PCDH7: variants seen among roughly 807,000 people sequenced by gnomAD.
PCDH7 encodes protocadherin-7.
A neutral mutation model predicts 58.9 loss-of-function variants in PCDH7; 17 were observed. The ratio of observed to expected loss-of-function variants is 0.29; its 90% CI spans 0.20 to 0.43. PCDH7 has a LOEUF of 0.43. Among genes scored for constraint, PCDH7 ranks in the 20% least tolerant of loss-of-function variants. The pLI, the probability that PCDH7 is intolerant of heterozygous loss-of-function variation, is 1.00. For synonymous variants in PCDH7, 664 were observed against 616.4 expected, an observed-to-expected ratio of 1.08 and a Z score of -1.14; for missense variants, 1,274 against 1,441.0, an observed-to-expected ratio of 0.88 and a Z score of 1.88.
At chr4:31,002,793 T>C (rs535606123) in intron 3 of PCDH7, among the ~76,000 whole-genome samples, 269 of 152,328 alleles carry the variant, frequency 1.8e-3, no homozygotes, top group African/African-American at 6.2e-3. Context: ...TCTATAGTTA[T>C]AGCCCCAAAT....
At chr4:30,907,434 G>T (rs1008070511) in intron 1 of PCDH7, among the ~76,000 whole-genome samples, 5 of 152,042 alleles carry the variant, frequency 3.3e-5, no homozygotes, top group African/African-American at 1.2e-4. Flanking sequence ...TCAAAAAGTG[G>T]GCAAAGAATA....
At chr4:30,971,266 C>A (rs957485632) in intron 3 of PCDH7, among the ~76,000 whole-genome samples, 3 of 152,112 alleles carry the variant, frequency 2.0e-5, no homozygotes, top group Non-Finnish European at 1.5e-5. Flanking sequence ...ATTCACATTT[C>A]TTAATCTAGG....
intron 1 of PCDH7, among the ~76,000 whole-genome samples, chr4:30,768,229 T>C (rs1365642109): frequency 6.6e-6 from 1 of 152,160 alleles, no homozygotes. Flanking sequence ...ATCTCTTAAT[T>C]TATTGTTTAA....
intron 1 of PCDH7, chr4:30,725,023 A>G (rs1431452916): frequency 5.0e-6 from 5 of 1,008,500 alleles, no homozygotes; most frequent in Non-Finnish European, 6.0e-6. Context: ...GTGTCTATGC[A>G]AATTGGATTC....
chr4:30,822,258 T>C lies in PCDH7; in HGVS notation c.70+97662T>C, dbSNP rs566326324. On this transcript the variant is annotated intron_variant, in intron 1 of 3. Coordinates refer to the PCDH7 transcript ENST00000509759. ...AAGCAACTTCTATTATTTAATTTCA[T>C]TTACTCAAAATAATGAGTAAAAATT... 4.7e-3 allele frequency among the ~76,000 whole-genome samples: 710 copies of C among 152,298 alleles called. 5 individuals are homozygous for C. The highest frequency in any genetic ancestry group is 8.5e-3 in the Non-Finnish European group (580 of 68,010).
At chr4:30,893,631 T>C (rs35186637) in intron 1 of PCDH7, among the ~76,000 whole-genome samples, 35,992 of 152,026 alleles carry the variant, frequency 0.24, 4,352 homozygotes, top group Middle Eastern at 0.27. Flanking sequence ...TTTTATCTCC[T>C]AGTGTTATGG....
intron 1 of PCDH7, among the ~76,000 whole-genome samples, chr4:30,771,876 CT>C (rs768098014): frequency 1.3e-5 from 2 of 151,766 alleles, no homozygotes; most frequent in South Asian, 2.1e-4. Flanking sequence ...TTCTTTCTTT[CT>C]TTTTTTTCTT....
At position 30,722,438 on chromosome 4, in the gene PCDH7, T is replaced by C. The variant is rs1211707406; in HGVS notation, c.1016T>C (p.Val339Ala). 1.2e-6 allele frequency: 2 copies of C among 1,610,978 alleles called. No homozygotes were observed. Among genetic ancestry groups the C allele is most frequent in the African/African-American group, 1.3e-5 (1 of 74,512 alleles). The change falls in exon 1 of 2, where the codon GTC becomes GCC. Residue 339 changes from valine (V) to alanine (A), a missense_variant. By Grantham distance (64) the Val-to-Ala change is moderately conservative. Around this residue, in one of 3 missense-constraint regions of PCDH7, gnomAD observed 331 missense variants for 303.2 expected, o/e 1.09. Coordinates refer to ENST00000361762, the Ensembl canonical transcript of PCDH7. The surrounding 1 kb of genome is among the most constrained non-coding windows in gnomAD (Gnocchi z 7.6). ...CGCGCAGCCGACTTGGACGTGGGGG[T>C]CAACGGGCAGATCGAATACGTGTTC...
At chr4:31,057,889 G>T (rs1453256700) in intron 3 of PCDH7, among the ~76,000 whole-genome samples, 1 of 152,036 alleles carries the variant, frequency 6.6e-6, no homozygotes, top group African/African-American at 2.4e-5. Flanking sequence ...CCTGGAATAT[G>T]TACATATTCT....
chr4:31,084,688 G>T (rs1248842153), intron 3 of PCDH7, among the ~76,000 whole-genome samples: 1 of 125,938 alleles, frequency 7.9e-6, no homozygotes, highest in Admixed American at 8.0e-5. Context: ...TAAAGGGGGA[G>T]GGGAGGGAAG....
At chr4:30,733,286 G>A (rs894733240), downstream of PCDH7, among the ~76,000 whole-genome samples, 43 of 152,258 alleles carry the variant, frequency 2.8e-4, no homozygotes, top group African/African-American at 9.6e-4. Context: ...AGATGCTAGA[G>A]ACTGGTCTAT....
Position 30,764,748 on chromosome 4 carries a change from G to A in PCDH7, c.70+40152G>A, listed in dbSNP as rs148321507. On this transcript the variant is annotated intron_variant, in intron 1 of 3. Coordinates refer to the PCDH7 transcript ENST00000509759. ...TTGTTTGTTTGTTTGTTTTGACAGAGACTTGCTCTGTCACCAGGCTGGAGC... is the reference window on the plus strand; with the variant it reads ...TTGTTTGTTTGTTTGTTTTGACAGAAACTTGCTCTGTCACCAGGCTGGAGC... Among the ~76,000 whole-genome samples, 262 of 151,700 alleles carry A rather than the reference G, an allele frequency of 1.7e-3. 2 individuals carry two copies. The highest frequency in any genetic ancestry group is 6.1e-3 in the African/African-American group (250 of 41,314).
At chr4:30,887,411 A>C (rs779595598) in intron 1 of PCDH7, among the ~76,000 whole-genome samples, 2 of 152,136 alleles carry the variant, frequency 1.3e-5, no homozygotes, top group African/African-American at 2.4e-5. Context: ...TTTATATCCT[A>C]AGAGTTCAGA....
chr4:31,021,567 G>C (rs1340648890), intron 3 of PCDH7, among the ~76,000 whole-genome samples: 2 of 152,030 alleles, frequency 1.3e-5, no homozygotes, highest in South Asian at 4.2e-4. Flanking sequence ...GGGTGTCCTG[G>C]GGGTGGCTTT....
At chr4:30,810,437 T>A (rs918066374) in intron 1 of PCDH7, among the ~76,000 whole-genome samples, 1 of 152,008 alleles carries the variant, frequency 6.6e-6, no homozygotes, top group Non-Finnish European at 1.5e-5. Flanking sequence ...TTTAGCTTTT[T>A]TTTTTGCTTT....
chr4:30,968,332 T>TATAC lies in PCDH7; in HGVS notation c.*7+18118_*7+18119insTACA, dbSNP rs1227756260. Among the ~76,000 whole-genome samples, 542 of 107,368 alleles carry TATAC rather than the reference T, an allele frequency of 5.0e-3. 15 individuals are homozygous for TATAC. Among genetic ancestry groups the TATAC allele is most frequent in the African/African-American group, 0.022 (467 of 21,264 alleles). The allele number at this position is 107,368 out of a possible 152,430, so 70.4% of individuals were successfully genotyped here. A position where few individuals can be genotyped will look rare whatever the true frequency, so the allele number is the denominator to read the frequency against. ...TATATATATACACTATATATATATA[T>TATAC]ACACACACTATATATATATACACAC... is the stretch of plus-strand genomic sequence containing the variant. On this transcript the variant is annotated intron_variant, in intron 3 of 3. Coordinates refer to the PCDH7 transcript ENST00000509759.
chr4:30,729,173 A>G (rs1180270894), intron 1 of PCDH7, among the ~76,000 whole-genome samples: 1 of 151,938 alleles, frequency 6.6e-6, no homozygotes, highest in African/African-American at 2.4e-5. Flanking sequence ...ACTAGAGTCC[A>G]AGTTATGGAA....
intron 3 of PCDH7, among the ~76,000 whole-genome samples, chr4:31,132,927 T>C (rs1719166047): frequency 6.6e-6 from 1 of 152,204 alleles, no homozygotes; most frequent in South Asian, 2.1e-4. Context: ...CAATTTTCTA[T>C]TTAAACAGAA....
At chr4:30,730,740 T>C (rs766774871) in intron 1 of PCDH7, 2 of 1,577,474 alleles carry the variant, frequency 1.3e-6, no homozygotes, top group Admixed American at 1.9e-5. Context: ...AATCTTTATT[T>C]TCCTTCTTTC....
Sources: allele counts gnomAD v4.1 joint callset (sites outside exome capture counted in the v4.1 genomes callset), GRCh38; gene constraint gnomAD v4.1.1; regional missense constraint gnomAD v4.1.1; non-coding constraint Gnocchi (gnomAD v3.1); transcripts MANE v1.5; gene names NCBI Gene and HGNC (gene_info 2026-07-23, HGNC 2026-07-21).